Variants in TRAK1 observed in about 807,000 individuals in gnomAD.
TRAK1 encodes the protein trafficking kinesin protein 1.
A neutral mutation model predicts 92.1 loss-of-function variants in TRAK1; 33 were observed. The ratio of observed to expected loss-of-function variants is 0.36; its 90% CI spans 0.27 to 0.48. The LOEUF (loss-of-function observed/expected upper bound fraction) is 0.48, where lower values mean the gene tolerates loss of function less well. Among genes scored for constraint, TRAK1 ranks in the 20% least tolerant of loss-of-function variants. The probability of loss-of-function intolerance (pLI) is 0.99; values close to 1 mark genes in which losing one functional copy is unlikely to be tolerated. For missense variants in TRAK1, 1,123 were observed against 1,257.9 expected (o/e 0.89, Z 1.62); for synonymous variants, 521 against 517.3 (o/e 1.01, Z -0.10).
intron 6 of TRAK1, among the ~76,000 whole-genome samples, chr3:42,190,257 G>A (rs563542190): frequency 6.6e-6 from 1 of 152,276 alleles, no homozygotes; most frequent in South Asian, 2.1e-4. Context: ...TGTCAGGTTG[G>A]AGCTGTGTGC....
chr3:42,219,280 G>A, intron 14 of TRAK1: 1 of 984,802 alleles, frequency 1.0e-6, no homozygotes, highest in Non-Finnish European at 1.2e-6. Flanking sequence ...GTCGGAAGCT[G>A]GAATTTGGTG....
chr3:42,092,869 A>C (rs1260150421), intron 1 of TRAK1, among the ~76,000 whole-genome samples: 1 of 152,108 alleles, frequency 6.6e-6, no homozygotes, highest in African/African-American at 2.4e-5. Flanking sequence ...TACAGGCGTG[A>C]GCCACCATGC....
Position 42,191,543 on chromosome 3 carries a change from G to A in TRAK1, c.691-15G>A. 1.3e-6 allele frequency: 2 copies of A among 1,579,386 alleles called. No individual in the cohort carries two copies. The highest frequency in any genetic ancestry group is 1.7e-6 in the Non-Finnish European group (2 of 1,161,858). On this transcript the variant is annotated splice_polypyrimidine_tract_variant and intron_variant, in intron 6 of 15. Transcript: ENST00000327628. Reference sequence around the variant, plus strand: ...GGTGAGAATGTGGGGCCTCTGACCTGGGTCTTGTCTACAGGCCAGCCAGCT... The same window carrying A: ...GGTGAGAATGTGGGGCCTCTGACCTAGGTCTTGTCTACAGGCCAGCCAGCT...
upstream of TRAK1, among the ~76,000 whole-genome samples, chr3:42,090,469 T>C (rs1704957115): frequency 1.3e-5 from 2 of 152,164 alleles, no homozygotes; most frequent in Non-Finnish European, 2.9e-5. Context: ...GCAGATCACC[T>C]GAGGTCAGGA....
chr3:42,020,488 T>C (rs1257375661), intron 1 of TRAK1, among the ~76,000 whole-genome samples: 1 of 152,348 alleles, frequency 6.6e-6, no homozygotes, highest in Non-Finnish European at 1.5e-5. Flanking sequence ...GCTTCATTCC[T>C]TTTTAGTGTG....
At chr3:42,089,241 G>C (rs2173337), upstream of TRAK1, among the ~76,000 whole-genome samples, 152,084 of 152,272 alleles carry the variant, frequency 1, 75,948 homozygotes, top group Middle Eastern at 1. Context: ...TCTGTTGGCT[G>C]TATCTTCAGA....
chr3:42,145,323 A>G (rs1699186372), intron 2 of TRAK1, among the ~76,000 whole-genome samples: 2 of 152,152 alleles, frequency 1.3e-5, no homozygotes, highest in Non-Finnish European at 2.9e-5. Flanking sequence ...CATCTCTACT[A>G]AAAATACAAA....
chr3:42,220,389 C>A (rs555094801), intron 15 of TRAK1: 334 of 736,588 alleles, frequency 4.5e-4, no homozygotes, highest in Non-Finnish European at 5.1e-4. Context: ...AGAACGACCC[C>A]CTCAGCTGTT....
At chr3:42,104,500 C>T (rs1399974295) in intron 1 of TRAK1, among the ~76,000 whole-genome samples, 2 of 152,116 alleles carry the variant, frequency 1.3e-5, no homozygotes, top group African/African-American at 4.8e-5. Flanking sequence ...ATGAAGCATC[C>T]AGAGGAAGGA....
intron 1 of TRAK1, among the ~76,000 whole-genome samples, chr3:42,027,491 C>T (rs1174506851): frequency 6.6e-6 from 1 of 151,340 alleles, no homozygotes; most frequent in South Asian, 2.1e-4. Context: ...CCACTGCCCT[C>T]TAGCCTGGGA....
chr3:42,210,458 C>T, intron 14 of TRAK1: 1 of 1,263,384 alleles, frequency 7.9e-7, no homozygotes, highest in Non-Finnish European at 9.9e-7. Context: ...ACATCAGTGC[C>T]CTTCTTCCTG....
intron 4 of TRAK1, 121 bp downstream of exon 4, chr3:42,184,922 C>A: frequency 2.1e-6 from 2 of 948,622 alleles, no homozygotes; most frequent in African/African-American, 1.6e-5. Flanking sequence ...AGGGCACGAC[C>A]GCGGCCTGAG....
chr3:42,068,868 G>A lies in TRAK1; in HGVS notation c.-518-18236G>A, dbSNP rs550937620. Among the ~76,000 whole-genome samples the A allele has an allele frequency of 1.0e-3, 159 of 152,252 alleles. 3 individuals carry two copies. The highest frequency in any genetic ancestry group is 3.6e-3 in the African/African-American group (151 of 41,542). ...TAACAGCTTCCCATTTTATAGATGA[G>A]AAAACTGAGGGTTGTAGGGGTTAAC... On this transcript the variant is annotated intron_variant, in intron 1 of 16. Transcript: ENST00000487159.
chr3:42,215,052 G>A (rs1281208473), intron 14 of TRAK1, among the ~76,000 whole-genome samples: 1 of 152,178 alleles, frequency 6.6e-6, no homozygotes, highest in Non-Finnish European at 1.5e-5. Context: ...CCCTAACATA[G>A]TACTTGTATT....
intron 2 of TRAK1, among the ~76,000 whole-genome samples, chr3:42,167,342 C>T (rs1193665071): frequency 6.6e-6 from 1 of 152,170 alleles, no homozygotes; most frequent in Admixed American, 6.5e-5. Flanking sequence ...TTCATGTGAC[C>T]TAAACAGCCC....
At chr3:42,152,255 A>G (rs1247834860) in intron 2 of TRAK1, among the ~76,000 whole-genome samples, 1 of 152,206 alleles carries the variant, frequency 6.6e-6, no homozygotes, top group Non-Finnish European at 1.5e-5. Flanking sequence ...AGGGGCTTAT[A>G]ATAATAAGAC....
intron 2 of TRAK1, among the ~76,000 whole-genome samples, chr3:42,152,649 G>A (rs530512659): frequency 6.6e-6 from 1 of 152,162 alleles, no homozygotes; most frequent in Non-Finnish European, 1.5e-5. Context: ...GCATGGGGAG[G>A]GGCTGGAAAA....
intron 1 of TRAK1, among the ~76,000 whole-genome samples, chr3:42,061,157 G>A (rs1339503055): frequency 6.6e-6 from 1 of 152,092 alleles, no homozygotes; most frequent in Non-Finnish European, 1.5e-5. Context: ...CAAAAAGTGT[G>A]CAGAGTTCCC....
At chr3:42,217,255 A>C in intron 14 of TRAK1, 1 of 985,324 alleles carries the variant, frequency 1.0e-6, no homozygotes, top group Non-Finnish European at 1.2e-6. Flanking sequence ...AGGGAGGTGC[A>C]GCAGCATCCT....
Sources: gnomAD v4.1 joint callset for allele counts (sites outside exome capture counted in the v4.1 genomes callset) on GRCh38, gnomAD v4.1.1 for gene constraint, MANE v1.5 for transcripts, NCBI Gene and HGNC (gene_info 2026-07-23, HGNC 2026-07-21) for gene names.